Variants in CNTNAP2 observed in about 807,000 individuals in gnomAD.
The protein encoded by CNTNAP2 is contactin associated protein 2.
In CNTNAP2, 98 loss-of-function variants were observed where a neutral mutation model predicts 155.2. The observed-to-expected ratio is 0.63, with a 90% CI of 0.54 to 0.75. The LOEUF (loss-of-function observed/expected upper bound fraction) is 0.75. Ranked by LOEUF, CNTNAP2 falls within the 30% of genes least tolerant of loss-of-function variation. CNTNAP2 has a pLI of 0.00. For synonymous variants in CNTNAP2, 651 were observed against 631.2 expected, an observed-to-expected ratio of 1.03 and a Z score of -0.47; for missense variants, 1,727 against 1,688.1, an observed-to-expected ratio of 1.02 and a Z score of -0.40.
intron 3 of CNTNAP2, among the ~76,000 whole-genome samples, chr7:146,890,537 C>G (rs546110714): frequency 6.6e-6 from 1 of 152,292 alleles, no homozygotes; most frequent in Admixed American, 6.5e-5. Flanking sequence ...GTCTATCAAA[C>G]AAACCACATC....
intron 13 of CNTNAP2, among the ~76,000 whole-genome samples, chr7:147,808,450 ATTCT>A: frequency 6.6e-6 from 1 of 152,252 alleles, no homozygotes; most frequent in East Asian, 1.9e-4. Context: ...AAATTACCTT[ATTCT>A]TTCTATCCTC....
At chr7:146,735,702 TAC>T (rs1201571688) in intron 1 of CNTNAP2, among the ~76,000 whole-genome samples, 5 of 152,208 alleles carry the variant, frequency 3.3e-5, no homozygotes, top group African/African-American at 1.2e-4. Flanking sequence ...TGCATATATA[TAC>T]ATATGCATAT....
At chr7:146,838,795 A>T (rs902831086) in intron 2 of CNTNAP2, among the ~76,000 whole-genome samples, 2 of 152,176 alleles carry the variant, frequency 1.3e-5, no homozygotes, top group Non-Finnish European at 2.9e-5. Flanking sequence ...TTCCTTATTT[A>T]AAAAATAGTA....
At chr7:147,441,845 CT>C (rs1322153556) in intron 10 of CNTNAP2, among the ~76,000 whole-genome samples, 8 of 145,074 alleles carry the variant, frequency 5.5e-5, no homozygotes, top group South Asian at 4.5e-4. Context: ...CTCTCTCTCT[CT>C]CTCTCCCTCC....
At chr7:148,030,887 G>A (rs1400175517) in intron 15 of CNTNAP2, among the ~76,000 whole-genome samples, 1 of 152,122 alleles carries the variant, frequency 6.6e-6, no homozygotes, top group Non-Finnish European at 1.5e-5. Context: ...TAAGTGGATG[G>A]AATCAGGCGG....
chr7:147,527,846 A>AT (rs1799354671), intron 11 of CNTNAP2, among the ~76,000 whole-genome samples: 2 of 152,190 alleles, frequency 1.3e-5, no homozygotes, highest in Admixed American at 1.3e-4. Flanking sequence ...TAGGAGAAGG[A>AT]TTATTTGGGA....
intron 1 of CNTNAP2, among the ~76,000 whole-genome samples, chr7:146,297,145 C>A (rs968069832): frequency 3.3e-5 from 5 of 152,010 alleles, no homozygotes; most frequent in Non-Finnish European, 7.4e-5. Flanking sequence ...TTATTTCCAT[C>A]ATTTGTTCAT....
intron 8 of CNTNAP2, among the ~76,000 whole-genome samples, chr7:147,222,323 C>A (rs905714101): frequency 2.6e-5 from 4 of 151,764 alleles, no homozygotes; most frequent in African/African-American, 9.7e-5. Context: ...TATTGAGATA[C>A]CATCCAGCTC....
intron 1 of CNTNAP2, among the ~76,000 whole-genome samples, chr7:146,178,025 ATTTTTATTTTTATT>A (rs1435555322): frequency 1.2e-4 from 18 of 151,914 alleles, no homozygotes; most frequent in African/African-American, 4.3e-4. Flanking sequence ...CATATTCTTT[ATTTTTATTTTTATT>A]TTTTTATTTT....
chr7:146,655,791 T>C (rs1015115729), intron 1 of CNTNAP2, among the ~76,000 whole-genome samples: 1 of 152,220 alleles, frequency 6.6e-6, no homozygotes, highest in South Asian at 2.1e-4. Context: ...CTCTCTCTTA[T>C]GAATGTATGG....
intron 1 of CNTNAP2, among the ~76,000 whole-genome samples, chr7:146,714,498 T>A (rs1801153202): frequency 1.3e-5 from 2 of 152,088 alleles, no homozygotes; most frequent in South Asian, 4.1e-4. Flanking sequence ...AAACCTCAGG[T>A]GAGATGATAT....
At chr7:147,522,787 C>CA (rs746780496) in intron 11 of CNTNAP2, among the ~76,000 whole-genome samples, 1,307 of 106,108 alleles carry the variant, frequency 0.012, 9 homozygotes, top group Middle Eastern at 0.051. Context: ...AACAAAAAAA[C>CA]AAAAAAAAAA....
intron 9 of CNTNAP2, among the ~76,000 whole-genome samples, chr7:147,342,230 A>G (rs1795778009): frequency 6.6e-6 from 1 of 152,210 alleles, no homozygotes. Context: ...TTCAGTTCAT[A>G]GCAGGAGCAG....
At chr7:147,599,288 C>G (rs1382045415) in intron 12 of CNTNAP2, among the ~76,000 whole-genome samples, 2 of 151,408 alleles carry the variant, frequency 1.3e-5, no homozygotes, top group Non-Finnish European at 2.9e-5. Context: ...ACCAGCGTGA[C>G]CAACATGGAG....
At chr7:146,697,567 TACTC>T (rs1800803446) in intron 1 of CNTNAP2, among the ~76,000 whole-genome samples, 1 of 152,178 alleles carries the variant, frequency 6.6e-6, no homozygotes, top group African/African-American at 2.4e-5. Flanking sequence ...TAATTTTCCT[TACTC>T]ACAAGTCTGC....
intron 12 of CNTNAP2, among the ~76,000 whole-genome samples, chr7:147,597,086 G>T (rs1800839293): frequency 6.6e-6 from 1 of 152,134 alleles, no homozygotes; most frequent in African/African-American, 2.4e-5. Flanking sequence ...ATAAAAATGG[G>T]CAACCATCAG....
chr7:147,776,162 A>C (rs1797582104), intron 13 of CNTNAP2, among the ~76,000 whole-genome samples: 2 of 152,152 alleles, frequency 1.3e-5, no homozygotes, highest in African/African-American at 4.8e-5. Flanking sequence ...AAAACAGTTG[A>C]TCTCAAAAGG....
At position 148,412,180 on chromosome 7, in the gene CNTNAP2, T is replaced by TCCAC. The variant is rs376833432; in HGVS notation, c.3796+2715_3796+2718dup. 6.8e-3 allele frequency among the ~76,000 whole-genome samples: 1,029 copies of TCCAC among 152,312 alleles called. 13 individuals carry two copies. The highest frequency in any genetic ancestry group is 0.023 in the African/African-American group (942 of 41,554). On this transcript the variant is annotated intron_variant, in intron 23 of 23. Coordinates refer to ENST00000361727, the MANE Select transcript of CNTNAP2 (RefSeq NM_014141.6). ...TGGTCTCAATCTCCTGACCTTGTGA[T>TCCAC]CCACCCACCTCGGCCTGCAAAACTG...
chr7:148,246,872 G>A (rs1300121180), intron 20 of CNTNAP2, among the ~76,000 whole-genome samples: 3 of 152,184 alleles, frequency 2.0e-5, no homozygotes, highest in Non-Finnish European at 4.4e-5. Flanking sequence ...CTCACAGGGA[G>A]TCAGGAAATT....
Sources: gnomAD v4.1 joint callset for allele counts (sites outside exome capture counted in the v4.1 genomes callset) on GRCh38, gnomAD v4.1.1 for gene constraint, MANE v1.5 for transcripts, NCBI Gene and HGNC (gene_info 2026-07-23, HGNC 2026-07-21) for gene names.